Variants in CLNK observed in about 807,000 individuals in gnomAD.
The protein encoded by CLNK is cytokine dependent hematopoietic cell linker.
CLNK carries 74 observed loss-of-function variants against 68.6 expected under a neutral mutation model. That is an observed-to-expected ratio of 1.08 (90% CI 0.89 to 1.31). The LOEUF (loss-of-function observed/expected upper bound fraction) is 1.31, where lower values mean the gene tolerates loss of function less well. Among genes scored for constraint, CLNK ranks in the 50% most tolerant of loss-of-function variants. CLNK has a pLI of 0.00. For synonymous variants in CLNK, 198 were observed against 172.2 expected (o/e 1.15, Z -1.17); for missense variants, 553 against 515.3 (o/e 1.07, Z -0.71).
At chr4:10,632,406 G>A (rs1453302434) in intron 2 of CLNK, among the ~76,000 whole-genome samples, 1 of 152,252 alleles carries the variant, frequency 6.6e-6, no homozygotes, top group Non-Finnish European at 1.5e-5. Flanking sequence ...ATCAGGAGAG[G>A]GGGAGGGACT....
rs978109499 is a variant in CLNK, at chr4:10,488,910, C to T, written c.*1557G>A. 5 of 152,110 alleles carry T rather than the reference C, an allele frequency of 3.3e-5. No homozygotes were observed. Among genetic ancestry groups the T allele is most frequent in the Non-Finnish European group, 4.4e-5 (3 of 68,020 alleles). 9.4% of individuals were successfully genotyped at this position (152,110 alleles called of 1,614,324 possible). On this transcript the variant is annotated 3_prime_UTR_variant, in exon 19 of 19. Transcript: ENST00000226951. ...AATTACATAAATACTCTATGAATTT[C>T]CTTTGTAAGCTTTGGTAGCATTTGA...
At chr4:10,717,316 C>T in the CLNK span, among the ~76,000 whole-genome samples, 1 of 152,180 alleles carries the variant, frequency 6.6e-6, no homozygotes, top group African/African-American at 2.4e-5. Context: ...AAAGCCGTGG[C>T]CGGGTGTGGT....
At chr4:10,639,858 T>A (rs1412724234) in intron 2 of CLNK, among the ~76,000 whole-genome samples, 1 of 152,232 alleles carries the variant, frequency 6.6e-6, no homozygotes, top group East Asian at 1.9e-4. Flanking sequence ...AAGAAATTAC[T>A]GCATTGGTGA....
At chr4:10,539,361 T>C (rs939489017) in intron 11 of CLNK, among the ~76,000 whole-genome samples, 2 of 152,222 alleles carry the variant, frequency 1.3e-5, no homozygotes, top group Admixed American at 1.3e-4. Flanking sequence ...ATGTTCCCCA[T>C]TAGAATCAGT....
intron 18 of CLNK, among the ~76,000 whole-genome samples, chr4:10,495,359 C>T (rs1716761430): frequency 6.6e-6 from 1 of 152,150 alleles, no homozygotes; most frequent in African/African-American, 2.4e-5. Flanking sequence ...CCTTGGCTGG[C>T]TAGGGCTGAT....
intron 6 of CLNK, among the ~76,000 whole-genome samples, chr4:10,565,347 T>C (rs1024795880): frequency 6.6e-6 from 1 of 152,228 alleles, no homozygotes; most frequent in Non-Finnish European, 1.5e-5. Flanking sequence ...TACACTTCTA[T>C]AGATTCACTT....
At chr4:10,496,066 G>A (rs912694708) in intron 18 of CLNK, among the ~76,000 whole-genome samples, 1 of 152,184 alleles carries the variant, frequency 6.6e-6, no homozygotes, top group East Asian at 1.9e-4. Flanking sequence ...AAGTTTCTGG[G>A]GAAGGGAATA....
intron 4 of CLNK, among the ~76,000 whole-genome samples, chr4:10,575,771 G>A (rs1324056203): frequency 2.0e-5 from 3 of 152,256 alleles, no homozygotes; most frequent in African/African-American, 7.2e-5. Flanking sequence ...TAAAAGGGAA[G>A]TGAATCACAA....
intron 4 of CLNK, among the ~76,000 whole-genome samples, chr4:10,577,585 G>A (rs746231827): frequency 5.3e-5 from 8 of 152,092 alleles, no homozygotes; most frequent in Non-Finnish European, 1.0e-4. Flanking sequence ...AAGTTGTTAC[G>A]CACTTTTTAT....
At chr4:10,705,136 A>G in the CLNK span, among the ~76,000 whole-genome samples, 1 of 152,222 alleles carries the variant, frequency 6.6e-6, no homozygotes, top group Non-Finnish European at 1.5e-5. Context: ...ACATTTGCAT[A>G]TAAGCTTATG....
chr4:10,550,511 T>A (rs1410056622), intron 8 of CLNK, among the ~76,000 whole-genome samples: 1 of 151,928 alleles, frequency 6.6e-6, no homozygotes. Context: ...AATAAATAAA[T>A]AAAAAATTAC....
intron 16 of CLNK, among the ~76,000 whole-genome samples, chr4:10,509,056 G>A (rs1339350918): frequency 4.2e-5 from 6 of 143,482 alleles, no homozygotes; most frequent in African/African-American, 1.1e-4. Context: ...GCAGTGAGCC[G>A]AGATCGTGCC....
At position 10,536,913 on chromosome 4, in the gene CLNK, A is replaced by G. The variant is rs186518837; in HGVS notation, c.602+3581T>C. Among the ~76,000 whole-genome samples, 11 of 152,168 alleles carry G rather than the reference A, an allele frequency of 7.2e-5. No homozygotes were observed. The East Asian group carries it at 2.1e-3, about 29-fold the overall frequency. On this transcript the variant is annotated intron_variant, in intron 11 of 18. Coordinates refer to ENST00000226951, the MANE Select transcript of CLNK (RefSeq NM_052964.4). ...TGCCCGCAGAGGGACGCATTTGGCA[A>G]TTGAGTGAGCATTATGTTAGACTCT...
rs928564870 is a variant in CLNK at position 10,651,465 on chromosome 4, G to A, written c.11+16394C>T. ...ACACAGTAACAGAAAACCTAACTCC[G>A]TATGTTCTCACTCATAAGTGGGAAT... On this transcript the variant is annotated intron_variant, in intron 2 of 18. Coordinates refer to ENST00000226951, the MANE Select transcript of CLNK (RefSeq NM_052964.4). Among the ~76,000 whole-genome samples, 7 of 152,248 alleles carry A rather than the reference G, an allele frequency of 4.6e-5. No individual in the cohort carries two copies. The South Asian group carries it at 1.0e-3, about 23-fold the overall frequency.
intron 7 of CLNK, among the ~76,000 whole-genome samples, chr4:10,558,993 C>A (rs1473969010): frequency 6.6e-6 from 1 of 152,124 alleles, no homozygotes; most frequent in Admixed American, 6.5e-5. Context: ...AGCACTGATA[C>A]CTTTTGAGGA....
At position 10,670,401 on chromosome 4, in the gene CLNK, G is replaced by A. The variant is rs528581842; in HGVS notation, c.-42-2490C>T. ...TACTTCATTCTTCAGAATGCATTAAGTAGCATCGAAATGGGACAAAATAAA... is the reference window on the plus strand; with the variant it reads ...TACTTCATTCTTCAGAATGCATTAAATAGCATCGAAATGGGACAAAATAAA... On this transcript the variant is annotated intron_variant, in intron 1 of 18. Coordinates refer to ENST00000226951, the MANE Select transcript of CLNK (RefSeq NM_052964.4). Among the ~76,000 whole-genome samples the A allele has an allele frequency of 2.0e-5, 3 of 152,378 alleles. No individual in the cohort carries two copies. In the South Asian group the frequency reaches 6.2e-4, roughly 32 times the overall value.
intron 2 of CLNK, among the ~76,000 whole-genome samples, chr4:10,646,731 A>C (rs1723527323): frequency 6.6e-6 from 1 of 152,096 alleles, no homozygotes; most frequent in Admixed American, 6.5e-5. Flanking sequence ...AATCATGGGT[A>C]AATGTAACTG....
chr4:10,604,545 G>C (rs968631882), intron 2 of CLNK, among the ~76,000 whole-genome samples: 1 of 151,014 alleles, frequency 6.6e-6, no homozygotes, highest in Admixed American at 6.6e-5. Flanking sequence ...GCCCATCCTG[G>C]AAAAAGTAAA....
intron 14 of CLNK, among the ~76,000 whole-genome samples, chr4:10,521,526 C>T (rs1718067434): frequency 6.6e-6 from 1 of 152,212 alleles, no homozygotes; most frequent in East Asian, 1.9e-4. Context: ...ATGAGTGATG[C>T]TCTATTCCAA....
Sources: gnomAD v4.1 joint callset for allele counts (sites outside exome capture counted in the v4.1 genomes callset) on GRCh38, gnomAD v4.1.1 for gene constraint, MANE v1.5 for transcripts, NCBI Gene and HGNC (gene_info 2026-07-23, HGNC 2026-07-21) for gene names.